Variants in ADAMTS19 observed in about 807,000 individuals in gnomAD.
ADAMTS19 encodes A disintegrin and metalloproteinase with thrombospondin motifs 19.
In ADAMTS19, 93 loss-of-function variants were observed where a neutral mutation model predicts 153.3. The observed-to-expected ratio is 0.61, with a 90% CI of 0.51 to 0.72. ADAMTS19 has a LOEUF of 0.72. ADAMTS19 is among the 30% of genes least tolerant of loss of function. The pLI is 0.00. For synonymous variants in ADAMTS19, 600 were observed against 556.6 expected (o/e 1.08, Z -1.10); for missense variants, 1,482 against 1,552.1 (o/e 0.95, Z 0.76).
intron 6 of ADAMTS19, among the ~76,000 whole-genome samples, chr5:129,537,938 T>C (rs548551499): frequency 6.6e-6 from 1 of 151,314 alleles, no homozygotes; most frequent in East Asian, 1.9e-4. Flanking sequence ...ATAATGATAA[T>C]AAATACACAA....
intron 7 of ADAMTS19, among the ~76,000 whole-genome samples, chr5:129,589,475 G>A (rs1749990373): frequency 6.6e-6 from 1 of 152,034 alleles, no homozygotes; most frequent in South Asian, 2.1e-4. Context: ...CATTACAACT[G>A]TATACATCAT....
At chr5:129,464,525 A>G (rs939580666) in intron 2 of ADAMTS19, among the ~76,000 whole-genome samples, 1 of 152,170 alleles carries the variant, frequency 6.6e-6, no homozygotes, top group Non-Finnish European at 1.5e-5. Flanking sequence ...TGAACTTTTC[A>G]ATATCTTTTG....
At chr5:129,636,862 C>T (rs1752554802) in intron 10 of ADAMTS19, among the ~76,000 whole-genome samples, 1 of 152,116 alleles carries the variant, frequency 6.6e-6, no homozygotes, top group East Asian at 1.9e-4. Context: ...TCCGTCCTTT[C>T]TTATAAAGTC....
intron 10 of ADAMTS19, among the ~76,000 whole-genome samples, chr5:129,626,553 C>T (rs1752058839): frequency 6.6e-6 from 1 of 152,018 alleles, no homozygotes; most frequent in Admixed American, 6.6e-5. Flanking sequence ...GAAATGTTCT[C>T]CTTTTTATTT....
Position 129,663,802 on chromosome 5 carries a change from C to A in ADAMTS19, c.2426-1697C>A, listed in dbSNP as rs531189243. Among the ~76,000 whole-genome samples, 4 of 152,268 alleles carry A rather than the reference C, an allele frequency of 2.6e-5. No individual in the cohort carries two copies. In the South Asian group the frequency reaches 8.3e-4, roughly 32 times the overall value. The stretch of plus-strand genomic sequence containing the variant: ...TTTGATAGTTTCAAATTGATAAATT[C>A]ATTCTCCTGGGCATGCATTTAAACT... On this transcript the variant is annotated intron_variant, in intron 15 of 22. Coordinates refer to ENST00000274487, the MANE Select transcript of ADAMTS19 (RefSeq NM_133638.6).
chr5:129,684,620 T>C (rs566091219), intron 18 of ADAMTS19, among the ~76,000 whole-genome samples: 1 of 152,228 alleles, frequency 6.6e-6, no homozygotes, highest in Non-Finnish European at 1.5e-5. Context: ...CACTGTGTTA[T>C]TTCTATGAAA....
At chr5:129,538,734 T>C (rs1752550830) in intron 6 of ADAMTS19, among the ~76,000 whole-genome samples, 1 of 152,134 alleles carries the variant, frequency 6.6e-6, no homozygotes, top group African/African-American at 2.4e-5. Flanking sequence ...ATAATCCATA[T>C]TTTCCCTTAA....
intron 21 of ADAMTS19, among the ~76,000 whole-genome samples, chr5:129,714,035 A>G (rs796881103): frequency 6.6e-6 from 1 of 152,346 alleles, no homozygotes; most frequent in African/African-American, 2.4e-5. Flanking sequence ...GTAATAATCC[A>G]GTGTCAATGA....
At chr5:129,594,930 A>T (rs1484165678) in intron 7 of ADAMTS19, among the ~76,000 whole-genome samples, 1 of 152,000 alleles carries the variant, frequency 6.6e-6, no homozygotes, top group Non-Finnish European at 1.5e-5. Flanking sequence ...CTGTCTATTC[A>T]TCCATCCGTC....
chr5:129,610,096 TA>T (rs1751125416), intron 8 of ADAMTS19, among the ~76,000 whole-genome samples: 1 of 3,454 alleles, frequency 2.9e-4, no homozygotes, highest in African/African-American at 1.2e-3. Context: ...AGTGGTATTA[TA>T]TATATATATA....
At chr5:129,652,915 C>A (rs548510670) in intron 13 of ADAMTS19, among the ~76,000 whole-genome samples, 8 of 152,244 alleles carry the variant, frequency 5.3e-5, no homozygotes, top group African/African-American at 1.9e-4. Flanking sequence ...ACATAACCTA[C>A]TTTGAGGTGT....
At chr5:129,616,393 T>C (rs1751530107) in intron 8 of ADAMTS19, among the ~76,000 whole-genome samples, 1 of 152,054 alleles carries the variant, frequency 6.6e-6, no homozygotes, top group Admixed American at 6.6e-5. Flanking sequence ...ATGCTTAATG[T>C]ATTCAGCATA....
intron 6 of ADAMTS19, among the ~76,000 whole-genome samples, chr5:129,541,668 A>G (rs1199476373): frequency 6.6e-6 from 1 of 151,866 alleles, no homozygotes. Flanking sequence ...TGTTTTACCC[A>G]CTTCTGTGCC....
chr5:129,531,643 AC>A (rs752391128), intron 6 of ADAMTS19, among the ~76,000 whole-genome samples: 54 of 152,120 alleles, frequency 3.5e-4, no homozygotes, highest in Non-Finnish European at 7.1e-4. Flanking sequence ...AAACAAACAA[AC>A]AAAAAAACCC....
intron 2 of ADAMTS19, among the ~76,000 whole-genome samples, chr5:129,494,488 G>A (rs531327617): frequency 1.3e-4 from 20 of 152,266 alleles, no homozygotes; most frequent in African/African-American, 4.8e-4. Flanking sequence ...TCTGTCTACA[G>A]TCACTTGGTA....
chr5:129,654,373 G>C lies in ADAMTS19; in HGVS notation c.2244G>C (p.Val748=), dbSNP rs1420510960. The C allele has an allele frequency of 6.2e-7, 1 of 1,613,142 alleles. No homozygotes were observed. The highest frequency in any genetic ancestry group is 2.2e-5 in the East Asian group (1 of 44,842). The change falls in exon 14 of 23, where the codon GTG becomes GTC. Residue 748 remains valine (V), a synonymous_variant. Coordinates refer to ENST00000274487, the MANE Select transcript of ADAMTS19 (RefSeq NM_133638.6). ...KEQPILLSEK[V]MDGTSCGYQG... is the part of the protein sequence containing the mutation. ...AGCCTATTCTTCTATCAGAAAAAGT[G>C]ATGGATGGAACTTCTTGTGGCTATC...
chr5:129,461,179 G>A lies in ADAMTS19; in HGVS notation c.169G>A (p.Ala57Thr), dbSNP rs868498664. ...CTGGCGCCGGGAGCCGGTGGACCCG[G>A]CTGGCGGCAGCGGGGGCAGCGCGGA... ...ALWRREPVDP[A>T]GGSGGSADPG... The change falls in exon 2 of 23, where the codon GCT (alanine) becomes ACT (threonine). Residue 57 changes from alanine to threonine, a missense_variant. By Grantham distance (58) the Ala-to-Thr change is moderately conservative. Transcript: ENST00000274487. The surrounding 1 kb of genome is among the most constrained non-coding windows in gnomAD (Gnocchi z 4.6). 7.3e-7 allele frequency: 1 copy of A among 1,367,778 alleles called. No individual in the cohort carries two copies. Among genetic ancestry groups the A allele is most frequent in the Admixed American group, 3.0e-5 (1 of 33,692 alleles). The allele number at this position is 1,367,778 out of a possible 1,614,324, so 84.7% of individuals were successfully genotyped here. A position where few individuals can be genotyped will look rare whatever the true frequency, so the allele number is the denominator to read the frequency against.
At chr5:129,552,906 T>C (rs1352864571) in intron 7 of ADAMTS19, among the ~76,000 whole-genome samples, 3 of 152,032 alleles carry the variant, frequency 2.0e-5, no homozygotes, top group Non-Finnish European at 2.9e-5. Context: ...TGGATGATGA[T>C]GGAATCAAGG....
At chr5:129,627,946 A>C (rs1752126070) in intron 10 of ADAMTS19, among the ~76,000 whole-genome samples, 1 of 152,058 alleles carries the variant, frequency 6.6e-6, no homozygotes, top group Non-Finnish European at 1.5e-5. Flanking sequence ...CAATCCCATT[A>C]CTGAGTATAT....
Sources: allele counts gnomAD v4.1 joint callset (sites outside exome capture counted in the v4.1 genomes callset), GRCh38; gene constraint gnomAD v4.1.1; non-coding constraint Gnocchi (gnomAD v3.1); transcripts MANE v1.5; gene names NCBI Gene and HGNC (gene_info 2026-07-23, HGNC 2026-07-21).